The following ZDHHC11B variants were observed in gnomAD, a reference collection of about 807,000 sequenced individuals.
ZDHHC11B encodes the protein probable palmitoyltransferase ZDHHC11B.
In ZDHHC11B, 17 loss-of-function variants were observed where a neutral mutation model predicts 42.3. The observed-to-expected ratio is 0.40, with a 90% confidence interval of 0.27 to 0.60. The LOEUF (loss-of-function observed/expected upper bound fraction) is 0.60. Among genes scored for constraint, ZDHHC11B ranks in the 20% least tolerant of loss-of-function variants. ZDHHC11B has a pLI of 0.41. For synonymous variants in ZDHHC11B, 123 were observed against 193.5 expected (o/e 0.64, Z 3.02); for missense variants, 262 against 463.2 (o/e 0.57, Z 3.99).
intron 4 of ZDHHC11B, among the ~76,000 whole-genome samples, chr5:764,938 A>C (rs1735083067): frequency 1.2e-5 from 1 of 80,442 alleles, no homozygotes; most frequent in Non-Finnish European, 2.8e-5. Flanking sequence ...CTCTGTATCT[A>C]GCTAATCTGG....
At chr5:752,417 C>A (rs530082320) in intron 6 of ZDHHC11B, among the ~76,000 whole-genome samples, 61 of 95,036 alleles carry the variant, frequency 6.4e-4, no homozygotes, top group African/African-American at 1.7e-3. Flanking sequence ...TCCAGAAAAA[C>A]CAATTCTGGG....
At chr5:764,269 C>T (rs528667297) in intron 4 of ZDHHC11B, among the ~76,000 whole-genome samples, 12 of 152,042 alleles carry the variant, frequency 7.9e-5, no homozygotes, top group East Asian at 5.8e-4. Flanking sequence ...TCCTCGGCCT[C>T]GGTGCCCACT....
rs1007880001 is a variant in ZDHHC11B at position 718,274 on chromosome 5, C to G, written c.1059-1409G>C. Among the ~76,000 whole-genome samples, 8 of 151,750 alleles carry G rather than the reference C, an allele frequency of 5.3e-5. 1 individual carries two copies. Among genetic ancestry groups the G allele is most frequent in the Non-Finnish European group, 7.4e-5 (5 of 67,956 alleles). On this transcript the variant is annotated intron_variant, in intron 12 of 13. Transcript: ENST00000508859. ...AATGGTATTGTAGAAAGCTATAGAGCCTGGTCCTTCCACTGAAACAACCAT... is the reference window on the plus strand; with the variant it reads ...AATGGTATTGTAGAAAGCTATAGAGGCTGGTCCTTCCACTGAAACAACCAT...
chr5:771,247 G>A lies in ZDHHC11B; in HGVS notation c.-229-2317C>T, dbSNP rs149960124. On this transcript the variant is annotated intron_variant, in intron 1 of 13. Transcript: ENST00000508859. ...GTGGCTCTGTCATCGTGGGGGTCCT[G>A]AGTGTGGCCCCTGCTGAACTTGAGA... Among the ~76,000 whole-genome samples the A allele has an allele frequency of 2.2e-3, 336 of 151,730 alleles. 5 individuals are homozygous for A. The highest frequency in any genetic ancestry group is 7.1e-3 in the African/African-American group (293 of 41,296).
chr5:734,154 G>A (rs1743330547), intron 10 of ZDHHC11B, among the ~76,000 whole-genome samples: 2 of 142,164 alleles, frequency 1.4e-5, no homozygotes, highest in African/African-American at 5.5e-5. Context: ...GATGGCAGAT[G>A]GGAGACAGGT....
intron 9 of ZDHHC11B, among the ~76,000 whole-genome samples, chr5:743,824 A>G (rs1209330775): frequency 6.7e-6 from 1 of 149,800 alleles, no homozygotes; most frequent in Admixed American, 6.8e-5. Context: ...AAATAAACGC[A>G]GTTTTACTTT....
In ZDHHC11B at chr5:715,693, T is replaced by C. The variant is rs1741697059; in HGVS notation, c.*7+1108A>G. On this transcript the variant is annotated intron_variant, in intron 13 of 13. Transcript: ENST00000508859. Reference sequence around the variant, plus strand: ...AACGCCTTTTTTCTAGAGAACAATTTTCACAGGTTTGCTGTCTCTCTGGGC... The same window carrying C: ...AACGCCTTTTTTCTAGAGAACAATTCTCACAGGTTTGCTGTCTCTCTGGGC... Among the ~76,000 whole-genome samples, 10 of 151,720 alleles carry C rather than the reference T, an allele frequency of 6.6e-5. 1 individual carries two copies. The highest frequency in any genetic ancestry group is 6.6e-4 in the Admixed American group (10 of 15,228).
At chr5:750,406 CCTG>C (rs1745452969) in intron 7 of ZDHHC11B, among the ~76,000 whole-genome samples, 1 of 144,056 alleles carries the variant, frequency 6.9e-6, no homozygotes, top group African/African-American at 2.5e-5. Flanking sequence ...TGACTCCACC[CCTG>C]CCTCCATCCT....
At chr5:736,720 T>G (rs1304928957) in intron 10 of ZDHHC11B, among the ~76,000 whole-genome samples, 20 of 133,888 alleles carry the variant, frequency 1.5e-4, no homozygotes, top group Non-Finnish European at 2.7e-4. Flanking sequence ...TGAATGATCT[T>G]TGGGTCGACA....
At chr5:774,276 T>C (rs1470485124) in intron 1 of ZDHHC11B, among the ~76,000 whole-genome samples, 14 of 152,100 alleles carry the variant, frequency 9.2e-5, no homozygotes, top group African/African-American at 3.1e-4. Flanking sequence ...CAGAACAGAA[T>C]TGACAGGGCT....
intron 12 of ZDHHC11B, among the ~76,000 whole-genome samples, chr5:728,180 A>G (rs1413032260): frequency 6.6e-6 from 1 of 152,080 alleles, no homozygotes; most frequent in African/African-American, 2.4e-5. Context: ...TCTCATTAGT[A>G]ATAAGGAAAA....
At chr5:765,900 G>A (rs1181619026) in intron 4 of ZDHHC11B, among the ~76,000 whole-genome samples, 1 of 151,880 alleles carries the variant, frequency 6.6e-6, no homozygotes, top group Non-Finnish European at 1.5e-5. Context: ...CACCAGTTCC[G>A]GACACAGTGT....
chr5:740,892 G>A (rs1393775602), intron 10 of ZDHHC11B, among the ~76,000 whole-genome samples: 2 of 121,486 alleles, frequency 1.6e-5, no homozygotes, highest in South Asian at 3.6e-4. Flanking sequence ...GTAAGGAAAT[G>A]CATATTAAAA....
intron 8 of ZDHHC11B, chr5:748,127 C>A: frequency 1.8e-6 from 1 of 545,714 alleles, no homozygotes; most frequent in South Asian, 2.5e-5. Flanking sequence ...CTTCAAGCAC[C>A]CGGCAGCGCT....
chr5:762,261 C>T (rs1214446954), intron 4 of ZDHHC11B, among the ~76,000 whole-genome samples: 1 of 141,030 alleles, frequency 7.1e-6, no homozygotes, highest in Non-Finnish European at 1.6e-5. Flanking sequence ...GACAGTCATG[C>T]CAGCTCCAGA....
intron 8 of ZDHHC11B, chr5:748,144 G>A: frequency 3.5e-6 from 2 of 564,310 alleles, no homozygotes; most frequent in Non-Finnish European, 3.1e-6. Flanking sequence ...CGCTCCTGCA[G>A]GTCTCAGCGT....
rs1371872071 is a variant in ZDHHC11B, at chr5:751,770, C to T, written c.504-513G>A. ...CGCCCCCCCAGGTCTCCAGGCCTCT[C>T]GCTGGAGAGGGGTGGCCGTGGGACA... On this transcript the variant is annotated intron_variant, in intron 6 of 13. Coordinates refer to ENST00000508859, the MANE Select transcript of ZDHHC11B (RefSeq NM_001351303.2). Among the ~76,000 whole-genome samples, 5 of 125,434 alleles carry T rather than the reference C, an allele frequency of 4.0e-5. 1 individual carries two copies. The highest frequency in any genetic ancestry group is 3.6e-4 in the South Asian group (1 of 2,748). The allele number at this position is 125,434 out of a possible 152,430, so 82.3% of individuals were successfully genotyped here.
chr5:712,272 C>T lies in ZDHHC11B; in HGVS notation c.*18G>A, dbSNP rs1368631925. 9.5e-6 allele frequency: 1 copy of T among 105,250 alleles called. No homozygotes were observed. Among genetic ancestry groups the T allele is most frequent in the African/African-American group, 4.0e-5 (1 of 24,776 alleles). 6.5% of individuals were successfully genotyped at this position (105,250 alleles called of 1,614,324 possible). On this transcript the variant is annotated 3_prime_UTR_variant, in exon 14 of 14. Coordinates refer to ENST00000508859, the MANE Select transcript of ZDHHC11B (RefSeq NM_001351303.2). ...GGGTAGAAGACCTGGATCACAGGGG[C>T]ACCTGAGCTCCTGCAGGACAAAACA... is the stretch of plus-strand genomic sequence containing the variant.
At chr5:778,120 G>A (rs1353366442) in intron 1 of ZDHHC11B, among the ~76,000 whole-genome samples, 4 of 151,916 alleles carry the variant, frequency 2.6e-5, no homozygotes, top group African/African-American at 4.8e-5. Flanking sequence ...AGACTGATAC[G>A]GGTCTGAGAT....
Sources: allele counts gnomAD v4.1 joint callset (sites outside exome capture counted in the v4.1 genomes callset), GRCh38; gene constraint gnomAD v4.1.1; transcripts MANE v1.5; gene names NCBI Gene and HGNC (gene_info 2026-07-23, HGNC 2026-07-21).